Variants in ELMO2 observed in about 807,000 individuals in gnomAD.
The protein encoded by ELMO2 is engulfment and cell motility protein 2.
ELMO2 carries 37 observed loss-of-function variants against 96.2 expected under a neutral mutation model. The ratio of observed to expected loss-of-function variants is 0.38; its 90% CI spans 0.30 to 0.51. The LOEUF is 0.51. Among genes scored for constraint, ELMO2 ranks in the 20% least tolerant of loss-of-function variants. The pLI is 0.88. For synonymous variants in ELMO2, 315 were observed against 329.4 expected (o/e 0.96, Z 0.47); for missense variants, 561 against 912.6 (o/e 0.61, Z 4.96).
intron 21 of ELMO2, among the ~76,000 whole-genome samples, chr20:46,368,574 T>C (rs1454280136): frequency 1.3e-5 from 2 of 152,138 alleles, no homozygotes; most frequent in Non-Finnish European, 2.9e-5. Flanking sequence ...AAGAGTAATG[T>C]GGAGAGCCCA....
chr20:46,404,457 G>A (rs1416879233), intron 1 of ELMO2, among the ~76,000 whole-genome samples: 2 of 152,172 alleles, frequency 1.3e-5, no homozygotes, highest in African/African-American at 4.8e-5. Context: ...CCAGACTGAA[G>A]ATGAACAGAT....
chr20:46,386,169 A>C lies in ELMO2; in HGVS notation c.632T>G (p.Ile211Arg). Residue 211 changes from isoleucine to arginine, a missense_variant, in exon 9 of 22, where the codon ATA becomes AGA. Physicochemically the swap from Ile to Arg is moderately conservative, Grantham distance 97 (BLOSUM62 -3). Transcript: ENST00000290246. Reference sequence around the variant, plus strand: ...CTGTCCCACGGTGATTTCCTCGGCTATCTTCTGGTACAGACTCTGGCTGTT... The same window carrying C: ...CTGTCCCACGGTGATTTCCTCGGCTCTCTTCTGGTACAGACTCTGGCTGTT... ...VLNSQSLYQK[I>R]AEEITVGQLI... 1 of 1,614,170 alleles carries C rather than the reference A, an allele frequency of 6.2e-7. No homozygotes were observed.
chr20:46,396,541 C>A (rs1235142223), intron 2 of ELMO2, among the ~76,000 whole-genome samples: 1 of 152,208 alleles, frequency 6.6e-6, no homozygotes, highest in African/African-American at 2.4e-5. Flanking sequence ...GTCAATCCTT[C>A]CAGTCCTTTA....
At position 46,375,193 on chromosome 20, in the gene ELMO2, CA is replaced by C. The variant is rs745765032; in HGVS notation, c.1065+42del. The C allele has an allele frequency of 1.5e-5, 24 of 1,596,260 alleles. No homozygotes were observed. In the African/African-American group the frequency reaches 2.5e-4, roughly 17 times the overall value. On this transcript the variant is annotated intron_variant, in intron 13 of 21. Transcript: ENST00000290246. This position sits in a 1 kb window ranked among gnomAD's most constrained non-coding sequence, Gnocchi z 4.6. ...CTGGGTGGGACCATTGACTTCCCATCAGGGGAGAGGGCCTACCACCGTCTAT... is the reference window on the plus strand; with the variant it reads ...CTGGGTGGGACCATTGACTTCCCATCGGGGAGAGGGCCTACCACCGTCTAT...
intron 11 of ELMO2, among the ~76,000 whole-genome samples, chr20:46,379,490 T>C (rs2059919044): frequency 6.6e-6 from 1 of 152,148 alleles, no homozygotes; most frequent in Non-Finnish European, 1.5e-5. Context: ...ATGTGCTCTT[T>C]CTAAAATGCA....
chr20:46,399,914 A>G (rs2060307879), intron 1 of ELMO2, among the ~76,000 whole-genome samples: 1 of 152,120 alleles, frequency 6.6e-6, no homozygotes, highest in African/African-American at 2.4e-5. Flanking sequence ...TGTAATCCCA[A>G]TGCTTTGGGA....
chr20:46,370,103 T>A (rs2059671059), intron 20 of ELMO2: 1 of 414,076 alleles, frequency 2.4e-6, no homozygotes, highest in Non-Finnish European at 4.6e-6. Context: ...CTGAAATAAC[T>A]ACTTTCATTT....
chr20:46,406,570 C>A lies in ELMO2; in HGVS notation c.-148G>T. On this transcript the variant is annotated 5_prime_UTR_variant, in exon 1 of 22. Transcript: ENST00000290246. ...CACCAGGGCGCAGACCTAGGCCCAG[C>A]TCCTGCTCCCGGGTCTCCGCTCGGC... 1 of 153,016 alleles carries A rather than the reference C, an allele frequency of 6.5e-6. No homozygotes were observed. The highest frequency in any genetic ancestry group is 1.5e-5 in the Non-Finnish European group (1 of 68,592). 9.5% of individuals were successfully genotyped at this position (153,016 alleles called of 1,614,324 possible). A position where few individuals can be genotyped will look rare whatever the true frequency, so the allele number is the denominator to read the frequency against.
chr20:46,395,447 G>A (rs1284839576), intron 2 of ELMO2, among the ~76,000 whole-genome samples: 4 of 152,180 alleles, frequency 2.6e-5, no homozygotes, highest in Non-Finnish European at 5.9e-5. Context: ...TACAAGTTCA[G>A]GAGAGGCCCC....
rs1013054275 is a variant in ELMO2, at chr20:46,373,149, G to A, written c.1416+250C>T. 2.1e-5 allele frequency: 10 copies of A among 482,828 alleles called. No homozygotes were observed. The Admixed American group carries it at 2.8e-4, about 14-fold the overall frequency. 29.9% of individuals were successfully genotyped at this position (482,828 alleles called of 1,614,324 possible). A position where few individuals can be genotyped will look rare whatever the true frequency, so the allele number is the denominator to read the frequency against. On this transcript the variant is annotated intron_variant, in intron 16 of 21. Transcript: ENST00000290246. ...TATCCTCCTGACCTCTCTGGAGGAC[G>A]GGAGGGACAGGTGCTAACTTCAATG...
chr20:46,386,348 A>C, intron 8 of ELMO2, 73 bp from the exon 9 acceptor site: 1 of 1,566,928 alleles, frequency 6.4e-7, no homozygotes, highest in Non-Finnish European at 8.7e-7. Context: ...ATCTGATGCT[A>C]GCCCTTGAAG....
At chr20:46,387,570 G>T (rs773681773) in intron 7 of ELMO2, 133 bp from the exon 8 acceptor site, 3 of 499,550 alleles carry the variant, frequency 6.0e-6, no homozygotes, top group Admixed American at 2.7e-5. Context: ...AACTGTAACT[G>T]TAAGTGCCTG....
At chr20:46,404,316 C>T (rs1474573548) in intron 1 of ELMO2, among the ~76,000 whole-genome samples, 1 of 152,154 alleles carries the variant, frequency 6.6e-6, no homozygotes, top group Non-Finnish European at 1.5e-5. Flanking sequence ...TACATCTGGA[C>T]ACATTATCTG....
At chr20:46,397,096 T>A (rs73908701) in intron 2 of ELMO2, among the ~76,000 whole-genome samples, 3 of 152,234 alleles carry the variant, frequency 2.0e-5, no homozygotes, top group Non-Finnish European at 4.4e-5. Context: ...TGACCCCATA[T>A]GACATATCCT....
At chr20:46,384,040 A>C (rs113488681) in intron 9 of ELMO2, among the ~76,000 whole-genome samples, 1 of 152,350 alleles carries the variant, frequency 6.6e-6, no homozygotes, top group African/African-American at 2.4e-5. Context: ...GACATGGAGA[A>C]ATGTTCAAGG....
chr20:46,395,007 C>T (rs1055007585), intron 2 of ELMO2, among the ~76,000 whole-genome samples: 5 of 152,206 alleles, frequency 3.3e-5, no homozygotes, highest in African/African-American at 4.8e-5. Flanking sequence ...CTCTTGCTTC[C>T]TCCCCACTCA....
intron 21 of ELMO2, 139 bp from the exon 22 acceptor site, chr20:46,367,699 G>C: frequency 1.9e-6 from 1 of 526,328 alleles, no homozygotes; most frequent in Non-Finnish European, 3.1e-6. Flanking sequence ...TGGAATGATA[G>C]CAAAGATAAA....
chr20:46,401,500 A>G (rs1169389661), intron 1 of ELMO2, among the ~76,000 whole-genome samples: 1 of 152,150 alleles, frequency 6.6e-6, no homozygotes, highest in African/African-American at 2.4e-5. Flanking sequence ...CTTCATCTTG[A>G]TTCCTGCTGT....
chr20:46,386,159 T>G lies in ELMO2; in HGVS notation c.642A>C (p.Glu214Asp). Residue 214 changes from glutamate (E) to aspartate (D), a missense_variant, in exon 9 of 22, where the codon GAA becomes GAC. Physicochemically the swap from Glu to Asp is conservative, Grantham distance 45 (BLOSUM62 2). Transcript: ENST00000290246. Reference sequence around the variant, plus strand: ...GTGAGATGAGCTGTCCCACGGTGATTTCCTCGGCTATCTTCTGGTACAGAC... The same window carrying G: ...GTGAGATGAGCTGTCCCACGGTGATGTCCTCGGCTATCTTCTGGTACAGAC... ...SQSLYQKIAE[E>D]ITVGQLISHL... 1 of 1,614,064 alleles carries G rather than the reference T, an allele frequency of 6.2e-7. No individual in the cohort carries two copies.
Sources: gnomAD v4.1 joint callset for allele counts (sites outside exome capture counted in the v4.1 genomes callset) on GRCh38, gnomAD v4.1.1 for gene constraint, Gnocchi (gnomAD v3.1) non-coding constraint, MANE v1.5 for transcripts, NCBI Gene and HGNC (gene_info 2026-07-23, HGNC 2026-07-21) for gene names.